The following TRAPPC9 variants were observed in gnomAD, a reference collection of about 807,000 sequenced individuals.
TRAPPC9 encodes the protein IKK2 binding protein.
Under a neutral mutation model 124.0 loss-of-function variants are expected in TRAPPC9, and 83 were observed. That is an observed-to-expected ratio of 0.67 (90% CI 0.56 to 0.80). TRAPPC9 has a LOEUF of 0.80. TRAPPC9 is among the 30% of genes least tolerant of loss of function. TRAPPC9 has a pLI of 0.00. For synonymous variants in TRAPPC9, 638 were observed against 617.5 expected, an observed-to-expected ratio of 1.03 and a Z score of -0.49; for missense variants, 1,302 against 1,508.3, an observed-to-expected ratio of 0.86 and a Z score of 2.27.
At chr8:139,975,330 G>A (rs554786060) in intron 19 of TRAPPC9, among the ~76,000 whole-genome samples, 2 of 152,314 alleles carry the variant, frequency 1.3e-5, no homozygotes, top group Non-Finnish European at 2.9e-5. Flanking sequence ...AGCACCTGGA[G>A]GGCCTCTTAA....
chr8:139,838,950 AC>A (rs1826547587), intron 21 of TRAPPC9, among the ~76,000 whole-genome samples: 1 of 152,162 alleles, frequency 6.6e-6, no homozygotes, highest in African/African-American at 2.4e-5. Context: ...CAAGAGGGAC[AC>A]ACCAGGGGGC....
chr8:139,739,785 CT>C (rs1280305359), intron 21 of TRAPPC9, among the ~76,000 whole-genome samples: 1 of 152,246 alleles, frequency 6.6e-6, no homozygotes, highest in Non-Finnish European at 1.5e-5. Flanking sequence ...CGTGTTCCTC[CT>C]CGTCAGGAAG....
At chr8:139,869,590 A>C (rs1217995016) in intron 21 of TRAPPC9, among the ~76,000 whole-genome samples, 3 of 152,252 alleles carry the variant, frequency 2.0e-5, no homozygotes, top group Non-Finnish European at 4.4e-5. Flanking sequence ...AGTAGAGCTA[A>C]TTGATACATT....
At chr8:140,175,228 A>G (rs533402757) in intron 17 of TRAPPC9, among the ~76,000 whole-genome samples, 27 of 152,180 alleles carry the variant, frequency 1.8e-4, no homozygotes, top group African/African-American at 6.5e-4. Flanking sequence ...AAAGGATGCC[A>G]AAGAAAATTC....
intron 11 of TRAPPC9, among the ~76,000 whole-genome samples, chr8:140,296,258 G>C (rs898440511): frequency 6.6e-6 from 1 of 152,098 alleles, no homozygotes; most frequent in African/African-American, 2.4e-5. Context: ...AGGAATCTTT[G>C]ACAATGTCTT....
At chr8:140,140,776 G>C (rs1356032457) in intron 17 of TRAPPC9, among the ~76,000 whole-genome samples, 1 of 152,022 alleles carries the variant, frequency 6.6e-6, no homozygotes, top group Non-Finnish European at 1.5e-5. Flanking sequence ...AGGTGCTCTT[G>C]GCCTTCAGTG....
rs568080019 is a variant in TRAPPC9, at chr8:140,045,182, C to T, written c.2557-21103G>A. On this transcript the variant is annotated intron_variant, in intron 17 of 22. Transcript: ENST00000438773. ...GAAGGCCCAAGGTCAGACACCAGTC[C>T]AGTATTGCTATTCCACCGGCTCTGA... Among the ~76,000 whole-genome samples the T allele has an allele frequency of 5.5e-4, 83 of 152,266 alleles. 1 individual carries two copies. In the South Asian group the frequency reaches 6.8e-3, roughly 13 times the overall value.
Position 140,024,030 on chromosome 8 carries a change from G to C in TRAPPC9, c.2606C>G (p.Thr869Ser). The C allele has an allele frequency of 6.2e-7, 1 of 1,614,060 alleles. No homozygotes were observed. ...NFKYSGGPGH[T>S]EGYYRNLSLG... ...GGAGAGATTCCTGTAATATCCTTCA[G>C]TGTGGCCCGGGCCTCCAGAGTATTT... The change falls in exon 18 of 23, where the codon ACT (threonine) becomes AGT (serine). Residue 869 changes from threonine to serine, a missense_variant. Physicochemically the swap from Thr to Ser is moderately conservative, Grantham distance 58 (BLOSUM62 1). Coordinates refer to ENST00000438773, the MANE Select transcript of TRAPPC9 (RefSeq NM_001160372.4).
chr8:139,958,782 C>T (rs1469002439), intron 19 of TRAPPC9, among the ~76,000 whole-genome samples: 2 of 152,248 alleles, frequency 1.3e-5, no homozygotes, highest in Non-Finnish European at 2.9e-5. Flanking sequence ...GTAAGGAGTG[C>T]CTTTTCCTTT....
intron 19 of TRAPPC9, among the ~76,000 whole-genome samples, chr8:139,961,575 G>T (rs1243834384): frequency 8.1e-6 from 1 of 124,160 alleles, no homozygotes; most frequent in African/African-American, 2.5e-5. Context: ...TGCCTTCCCA[G>T]GTGTGGTTGC....
chr8:140,314,343 T>C (rs1449995655), intron 9 of TRAPPC9, among the ~76,000 whole-genome samples: 2 of 152,216 alleles, frequency 1.3e-5, no homozygotes, highest in Non-Finnish European at 2.9e-5. Flanking sequence ...ACATAATAAT[T>C]GCACATATTT....
chr8:140,231,481 C>CTTTTT (rs71320347), intron 16 of TRAPPC9, among the ~76,000 whole-genome samples: 571 of 57,076 alleles, frequency 0.01, 12 homozygotes, highest in East Asian at 0.017. Flanking sequence ...ACTGCCTTTT[C>CTTTTT]TTTTTTTTTT....
intron 20 of TRAPPC9, among the ~76,000 whole-genome samples, chr8:139,898,762 T>A (rs1487940115): frequency 2.0e-5 from 3 of 152,092 alleles, no homozygotes; most frequent in Admixed American, 6.5e-5. Context: ...TCCAACAGTA[T>A]CAGATCTCAA....
At chr8:140,324,143 G>C (rs907746907) in intron 9 of TRAPPC9, among the ~76,000 whole-genome samples, 1 of 152,078 alleles carries the variant, frequency 6.6e-6, no homozygotes, top group Non-Finnish European at 1.5e-5. Flanking sequence ...AACATACGAT[G>C]TTTGATTTTC....
intron 17 of TRAPPC9, among the ~76,000 whole-genome samples, chr8:140,062,630 T>C (rs2132149857): frequency 6.6e-6 from 1 of 152,236 alleles, no homozygotes; most frequent in South Asian, 2.1e-4. Flanking sequence ...TCACAGCACC[T>C]GCCACCAGCC....
chr8:140,157,125 CT>C lies in TRAPPC9; in HGVS notation c.2556+64333del, dbSNP rs36130646. ...CCTCCCTTTCCATTCAGAAGCCTCC[CT>C]TTTCCATTCAGAAGCCTCCCTTTTC... On this transcript the variant is annotated intron_variant, in intron 17 of 22. Transcript: ENST00000438773. Among the ~76,000 whole-genome samples the C allele has an allele frequency of 2.4e-3, 128 of 53,946 alleles. 3 individuals are homozygous for C. Among genetic ancestry groups the C allele is most frequent in the South Asian group, 2.9e-3 (5 of 1,728 alleles). The allele number at this position is 53,946 out of a possible 152,430, so 35.4% of individuals were successfully genotyped here.
At chr8:140,378,703 A>T (rs891462807) in intron 7 of TRAPPC9, among the ~76,000 whole-genome samples, 3 of 152,198 alleles carry the variant, frequency 2.0e-5, no homozygotes, top group Non-Finnish European at 4.4e-5. Context: ...TTCTTTTGCT[A>T]AACGTGTCGT....
intron 19 of TRAPPC9, among the ~76,000 whole-genome samples, chr8:139,958,449 C>A (rs1436990714): frequency 6.6e-6 from 1 of 152,214 alleles, no homozygotes; most frequent in Non-Finnish European, 1.5e-5. Context: ...TGGCTGCCCC[C>A]ACCCCCGGCT....
In TRAPPC9 at chr8:139,771,721, G is replaced by A. The variant is rs113424555; in HGVS notation, c.3056-39519C>T. 2.4e-3 allele frequency among the ~76,000 whole-genome samples: 364 copies of A among 152,318 alleles called. 2 individuals are homozygous for A. Among genetic ancestry groups the A allele is most frequent in the African/African-American group, 8.0e-3 (332 of 41,576 alleles). On this transcript the variant is annotated intron_variant, in intron 21 of 22. Coordinates refer to ENST00000438773, the MANE Select transcript of TRAPPC9 (RefSeq NM_001160372.4). ...TGACAAGTGGAAGTAGAATCTGCGC[G>A]TCAGTGATTGAAGCCTGTGTGTGCA...
Sources: allele counts gnomAD v4.1 joint callset (sites outside exome capture counted in the v4.1 genomes callset), GRCh38; gene constraint gnomAD v4.1.1; transcripts MANE v1.5; gene names NCBI Gene and HGNC (gene_info 2026-07-23, HGNC 2026-07-21).